Variants in PVT1 observed in about 807,000 individuals in gnomAD.
The protein encoded by PVT1 is CXCR4/PVT1 fusion.
intron 3 of PVT1, among the ~76,000 whole-genome samples, chr8:127,967,831 T>C (rs1816720121): frequency 6.6e-6 from 1 of 152,246 alleles, no homozygotes; most frequent in South Asian, 2.1e-4. Flanking sequence ...GATTCATTGC[T>C]GAGTCTCTGA....
chr8:127,819,364 G>C (rs1488739220), intron 2 of PVT1, among the ~76,000 whole-genome samples: 1 of 152,174 alleles, frequency 6.6e-6, no homozygotes, highest in Non-Finnish European at 1.5e-5. Context: ...ACCAGGCTTT[G>C]CTCTGAGCAC....
chr8:127,949,379 C>CTGTGTGTG (rs61425056), intron 3 of PVT1, among the ~76,000 whole-genome samples: 5,045 of 111,170 alleles, frequency 0.045, 261 homozygotes, highest in Middle Eastern at 0.089. Context: ...ACTCCAGGAG[C>CTGTGTGTG]TGTGTGTGTG....
At chr8:127,952,955 G>A (rs1816523813) in intron 3 of PVT1, among the ~76,000 whole-genome samples, 3 of 152,108 alleles carry the variant, frequency 2.0e-5, no homozygotes, top group Admixed American at 1.3e-4. Flanking sequence ...TAGTAGAGAC[G>A]GGGTTTCACC....
At chr8:127,826,994 C>CTT (rs5894901) in intron 2 of PVT1, among the ~76,000 whole-genome samples, 1,284 of 113,886 alleles carry the variant, frequency 0.011, 59 homozygotes, top group African/African-American at 0.042. Flanking sequence ...TTCTTTTTCT[C>CTT]TTTTTTTTTT....
At chr8:128,022,361 ACT>A (rs1361224543) in intron 4 of PVT1, among the ~76,000 whole-genome samples, 1 of 151,580 alleles carries the variant, frequency 6.6e-6, no homozygotes, top group Non-Finnish European at 1.5e-5. Context: ...ATTCATATCC[ACT>A]CTCCCAAATA....
chr8:128,044,001 A>T (rs1301295414), intron 4 of PVT1, among the ~76,000 whole-genome samples: 5 of 93,366 alleles, frequency 5.4e-5, no homozygotes, highest in Admixed American at 2.8e-4. Flanking sequence ...TAATTTTTTT[A>T]TTATTATTTA....
intron 3 of PVT1, among the ~76,000 whole-genome samples, chr8:127,927,493 T>C (rs192287758): frequency 5.9e-5 from 9 of 152,366 alleles, no homozygotes; most frequent in African/African-American, 2.2e-4. Flanking sequence ...GAAGCCCTTT[T>C]GGATGCCTCT....
chr8:127,954,117 G>A (rs997846587), intron 3 of PVT1, among the ~76,000 whole-genome samples: 1 of 152,136 alleles, frequency 6.6e-6, no homozygotes, highest in African/African-American at 2.4e-5. Flanking sequence ...CTTTGAGGGT[G>A]AAGTTGACCT....
At chr8:128,083,310 A>C (rs1210511126) in intron 5 of PVT1, among the ~76,000 whole-genome samples, 1 of 152,380 alleles carries the variant, frequency 6.6e-6, no homozygotes, top group Middle Eastern at 3.4e-3. Context: ...TGCTTGTCAA[A>C]GTAAAATTAA....
At chr8:127,855,103 CCT>C (rs143132544) in intron 2 of PVT1, 3 of 398,486 alleles carry the variant, frequency 7.5e-6, no homozygotes, top group Middle Eastern at 6.2e-4. Flanking sequence ...AAGTTTCTCT[CCT>C]CTCTCTCTGT....
chr8:127,798,999 A>G (rs1255528375), intron 2 of PVT1, among the ~76,000 whole-genome samples: 1 of 152,238 alleles, frequency 6.6e-6, no homozygotes, highest in Non-Finnish European at 1.5e-5. Flanking sequence ...AAACAAAAAC[A>G]ATGTCAGGTC....
intron 4 of PVT1, among the ~76,000 whole-genome samples, chr8:128,000,926 C>A (rs1241835134): frequency 6.6e-5 from 10 of 152,192 alleles, no homozygotes; most frequent in Non-Finnish European, 2.9e-5. Flanking sequence ...CCTCATTGTC[C>A]CCCTTGTGCC....
chr8:127,821,979 G>A (rs929079862), intron 2 of PVT1, among the ~76,000 whole-genome samples: 7 of 152,154 alleles, frequency 4.6e-5, no homozygotes, highest in African/African-American at 1.7e-4. Context: ...AGGCTGTCTG[G>A]GTTCGAATCC....
At chr8:127,953,991 T>C (rs981356861) in intron 3 of PVT1, among the ~76,000 whole-genome samples, 1 of 152,178 alleles carries the variant, frequency 6.6e-6, no homozygotes, top group Non-Finnish European at 1.5e-5. Context: ...AAACTTGAAA[T>C]ACTGATCATC....
chr8:128,055,211 A>G (rs947262993), intron 4 of PVT1, among the ~76,000 whole-genome samples: 10 of 152,072 alleles, frequency 6.6e-5, no homozygotes, highest in African/African-American at 1.9e-4. Flanking sequence ...TATTGGTTCT[A>G]TTTCTTTGGA....
At chr8:128,078,811 G>T (rs899973455) in intron 5 of PVT1, among the ~76,000 whole-genome samples, 1 of 152,008 alleles carries the variant, frequency 6.6e-6, no homozygotes, top group African/African-American at 2.4e-5. Context: ...GTGTTGACAG[G>T]GTCTCACTTT....
intron 5 of PVT1, chr8:128,082,732 C>G (rs1499367): frequency 1.6e-3 from 249 of 152,180 alleles, no homozygotes; most frequent in African/African-American, 5.8e-3. Flanking sequence ...CTTATTACTC[C>G]TTTCCTTTCT....
chr8:127,875,357 GTCTCTGTCTC>G (rs1815394248), intron 2 of PVT1, among the ~76,000 whole-genome samples: 1 of 130,542 alleles, frequency 7.7e-6, no homozygotes, highest in Admixed American at 7.5e-5. Flanking sequence ...GTCTGTCTCT[GTCTCTGTCTC>G]TCTCTCTCTC....
intron 2 of PVT1, among the ~76,000 whole-genome samples, chr8:127,813,379 G>A (rs2129665268): frequency 6.6e-6 from 1 of 151,996 alleles, no homozygotes. Context: ...CTTACCCAGT[G>A]TCTTCTCCTG....
Sources: allele counts gnomAD v4.1 joint callset (sites outside exome capture counted in the v4.1 genomes callset), GRCh38; gene constraint gnomAD v4.1.1; transcripts MANE v1.5; gene names NCBI Gene and HGNC (gene_info 2026-07-23, HGNC 2026-07-21).